Variants in CAPN13 observed in about 807,000 individuals in gnomAD.
The protein encoded by CAPN13 is calpain-13.
In CAPN13, 90 loss-of-function variants were observed where a neutral mutation model predicts 98.4. The ratio of observed to expected loss-of-function variants is 0.92; its 90% CI spans 0.77 to 1.09. The LOEUF is 1.09. Among genes scored for constraint, CAPN13 ranks in the 50% least tolerant of loss-of-function variants. The pLI is 0.00. For missense variants in CAPN13, 887 were observed against 841.3 expected, an observed-to-expected ratio of 1.05 and a Z score of -0.67; for synonymous variants, 330 against 305.5, an observed-to-expected ratio of 1.08 and a Z score of -0.84.
At chr2:30,741,757 T>C in intron 15 of CAPN13, 151 bp downstream of exon 15, 1 of 1,493,750 alleles carries the variant, frequency 6.7e-7, no homozygotes, top group African/African-American at 1.4e-5. Context: ...CCACAGCAGT[T>C]CTGGAGACGA....
At chr2:30,775,159 T>G (rs115306762) in intron 4 of CAPN13, among the ~76,000 whole-genome samples, 5,524 of 152,296 alleles carry the variant, frequency 0.036, 112 homozygotes, top group Middle Eastern at 0.071. Flanking sequence ...ATTTGGTAAG[T>G]TGGCTAGATG....
intron 8 of CAPN13, among the ~76,000 whole-genome samples, chr2:30,756,884 C>T (rs1207767193): frequency 6.6e-6 from 1 of 152,186 alleles, no homozygotes; most frequent in Non-Finnish European, 1.5e-5. Context: ...CTTATTCCAT[C>T]TCCGCTTACC....
chr2:30,785,116 A>G (rs1674202834), intron 2 of CAPN13, among the ~76,000 whole-genome samples: 1 of 152,210 alleles, frequency 6.6e-6, no homozygotes, highest in African/African-American at 2.4e-5. Context: ...ACATGTAGAT[A>G]GGGTCCTTCA....
At chr2:30,725,253 C>T (rs948116439) in intron 22 of CAPN13, among the ~76,000 whole-genome samples, 6 of 140,750 alleles carry the variant, frequency 4.3e-5, no homozygotes, top group African/African-American at 1.7e-4. Context: ...TATATTTAAA[C>T]ATATTTTAAC....
At chr2:30,792,600 T>G (rs1674658371) in intron 1 of CAPN13, among the ~76,000 whole-genome samples, 1 of 152,096 alleles carries the variant, frequency 6.6e-6, no homozygotes, top group Non-Finnish European at 1.5e-5. Context: ...TAGGCTCAGA[T>G]AGTTTCACTA....
chr2:30,758,490 C>T (rs926445031), intron 7 of CAPN13, among the ~76,000 whole-genome samples: 2 of 152,156 alleles, frequency 1.3e-5, no homozygotes, highest in African/African-American at 4.8e-5. Context: ...TTATGGTTCC[C>T]CAGCCTCCTC....
intron 1 of CAPN13, among the ~76,000 whole-genome samples, chr2:30,801,305 T>A (rs1675256655): frequency 6.6e-6 from 1 of 152,078 alleles, no homozygotes; most frequent in Non-Finnish European, 1.5e-5. Flanking sequence ...TTCATTTAAA[T>A]GGACAAAGAC....
intron 1 of CAPN13, among the ~76,000 whole-genome samples, chr2:30,793,604 T>C (rs910980355): frequency 6.6e-6 from 1 of 151,746 alleles, no homozygotes; most frequent in Non-Finnish European, 1.5e-5. Flanking sequence ...TTCTAAGATT[T>C]ATATCTAAAT....
chr2:30,754,611 G>C (rs10210667), intron 8 of CAPN13, among the ~76,000 whole-genome samples: 1 of 151,938 alleles, frequency 6.6e-6, no homozygotes, highest in African/African-American at 2.4e-5. Context: ...ACATTTCCAA[G>C]AGAGTCCCAT....
chr2:30,738,226 A>G lies in CAPN13; in HGVS notation c.1653+9T>C. The G allele has an allele frequency of 1.2e-6, 2 of 1,613,950 alleles. No homozygotes were observed. The highest frequency in any genetic ancestry group is 1.7e-6 in the Non-Finnish European group (2 of 1,179,876). Reference sequence around the variant, plus strand: ...CTCAGAGCATGGGAGGGATGACCGCAAAGGATACTTCCATCAGAGCCACCA... The same window carrying G: ...CTCAGAGCATGGGAGGGATGACCGCGAAGGATACTTCCATCAGAGCCACCA... On this transcript the variant is annotated intron_variant, in intron 17 of 22. Transcript: ENST00000295055.
chr2:30,745,877 C>G, intron 11 of CAPN13, 143 bp from the exon 12 acceptor site: 2 of 482,038 alleles, frequency 4.1e-6, no homozygotes, highest in Non-Finnish European at 7.1e-6. Context: ...TATTTTATAT[C>G]TGTTATGCCA....
At chr2:30,742,235 G>A (rs1013805299) in intron 14 of CAPN13, 91 bp downstream of exon 14, 1 of 1,407,948 alleles carries the variant, frequency 7.1e-7, no homozygotes, top group Admixed American at 2.0e-5. Flanking sequence ...ATTGGTTGGG[G>A]GCAGCGGGAG....
chr2:30,765,188 C>G (rs1303960581), intron 5 of CAPN13, among the ~76,000 whole-genome samples: 2 of 152,164 alleles, frequency 1.3e-5, no homozygotes, highest in East Asian at 3.9e-4. Context: ...AGGGGCCGGA[C>G]AGTTAGATTT....
chr2:30,797,463 C>T (rs6728039), intron 1 of CAPN13, among the ~76,000 whole-genome samples: 2,757 of 152,302 alleles, frequency 0.018, 95 homozygotes, highest in African/African-American at 0.063. Flanking sequence ...CTTAATATCT[C>T]TGAGCCTCCT....
intron 2 of CAPN13, among the ~76,000 whole-genome samples, chr2:30,781,842 G>A (rs1251404090): frequency 1.3e-5 from 2 of 152,106 alleles, no homozygotes; most frequent in African/African-American, 2.4e-5. Context: ...ATATGTTAAT[G>A]AGATATATAC....
intron 12 of CAPN13, 67 bp downstream of exon 12, chr2:30,745,656 A>G: frequency 6.4e-7 from 1 of 1,550,578 alleles, no homozygotes; most frequent in Non-Finnish European, 8.8e-7. Flanking sequence ...TGGGCGTTGG[A>G]AGTGGCCTAA....
At chr2:30,774,719 A>G (rs1175701316) in intron 4 of CAPN13, among the ~76,000 whole-genome samples, 1 of 152,194 alleles carries the variant, frequency 6.6e-6, no homozygotes, top group Non-Finnish European at 1.5e-5. Context: ...TGTCTATTTT[A>G]CTTTCAAAGA....
chr2:30,799,067 C>G (rs1469738698), intron 1 of CAPN13, among the ~76,000 whole-genome samples: 1 of 151,824 alleles, frequency 6.6e-6, no homozygotes, highest in Non-Finnish European at 1.5e-5. Context: ...TGGCATACCT[C>G]AGGGCTTTGA....
At chr2:30,738,007 C>CACA in intron 17 of CAPN13, 1 of 516,802 alleles carries the variant, frequency 1.9e-6, no homozygotes, top group Non-Finnish European at 3.6e-6. Flanking sequence ...ACACACACAC[C>CACA]CCAGTACACT....
Sources: gnomAD v4.1 joint callset for allele counts (sites outside exome capture counted in the v4.1 genomes callset) on GRCh38, gnomAD v4.1.1 for gene constraint, MANE v1.5 for transcripts, NCBI Gene and HGNC (gene_info 2026-07-23, HGNC 2026-07-21) for gene names.